DLGAP4: variants seen among roughly 807,000 people sequenced by gnomAD.
The protein encoded by DLGAP4 is DLG associated protein 4.
DLGAP4 carries 18 observed loss-of-function variants against 86.9 expected under a neutral mutation model. The ratio of observed to expected loss-of-function variants is 0.21; its 90% CI spans 0.14 to 0.31. The LOEUF (loss-of-function observed/expected upper bound fraction) is 0.31. Ranked by LOEUF, DLGAP4 falls within the 10% of genes least tolerant of loss-of-function variation. DLGAP4 has a pLI of 1.00. For synonymous variants in DLGAP4, 548 were observed against 574.3 expected (o/e 0.95, Z 0.65); for missense variants, 1,085 against 1,362.6 (o/e 0.80, Z 3.21).
chr20:36,368,575 A>C (rs2030788618), intron 2 of DLGAP4, among the ~76,000 whole-genome samples: 1 of 152,168 alleles, frequency 6.6e-6, no homozygotes, highest in Non-Finnish European at 1.5e-5. Context: ...CCCAGCTCCT[A>C]GTCTGTTGTT....
In DLGAP4 at chr20:36,436,267, GC is replaced by G; in HGVS notation, c.1161del (p.Ser388HisfsTer12). On this transcript the variant is annotated frameshift_variant, in exon 4 of 13. Transcript: ENST00000339266. LOFTEE classifies it high-confidence loss of function. ...DSDESGGSPK[P>X]SPKTAARRQS... ...GCGACGAGTCCGGCGGCAGCCCCAAGCCCTCACCCAAGACCGCGGCGCGGCG... is the reference window on the plus strand; with the variant it reads ...GCGACGAGTCCGGCGGCAGCCCCAAGCCTCACCCAAGACCGCGGCGCGGCG... The G allele has an allele frequency of 6.2e-7, 1 of 1,605,852 alleles. No individual in the cohort carries two copies.
intron 2 of DLGAP4, among the ~76,000 whole-genome samples, chr20:36,430,565 C>A (rs1476905283): frequency 2.0e-5 from 3 of 151,230 alleles, no homozygotes; most frequent in Admixed American, 6.6e-5. Flanking sequence ...CAGCTATAAT[C>A]CCAGCACTTT....
At chr20:36,391,947 C>T (rs1279270678) in intron 2 of DLGAP4, among the ~76,000 whole-genome samples, 3 of 152,214 alleles carry the variant, frequency 2.0e-5, no homozygotes, top group Non-Finnish European at 2.9e-5. Context: ...TGAGGGGAGG[C>T]GGCTTAAGGC....
At chr20:36,449,175 A>G (rs1365946384) in intron 7 of DLGAP4, among the ~76,000 whole-genome samples, 1 of 152,080 alleles carries the variant, frequency 6.6e-6, no homozygotes, top group Non-Finnish European at 1.5e-5. Flanking sequence ...CTTTCCCAGC[A>G]TGGGCAATCT....
intron 7 of DLGAP4, chr20:36,462,541 C>G (rs766297368): frequency 6.9e-6 from 11 of 1,601,958 alleles, no homozygotes; most frequent in Non-Finnish European, 9.4e-6. Context: ...TGCCGGGTCT[C>G]TGGGTCTCTG....
rs1569521006 is a variant in DLGAP4 at position 36,500,647 on chromosome 20, GA to G, written c.2512+38del. The G allele has an allele frequency of 7.0e-7, 1 of 1,427,914 alleles. No homozygotes were observed. The highest frequency in any genetic ancestry group is 1.5e-5 in the African/African-American group (1 of 68,764). 88.5% of individuals were successfully genotyped at this position (1,427,914 alleles called of 1,614,324 possible). Reference sequence around the variant, plus strand: ...CATGGATGGTCCTTGGGCAAGGGTAGAAGGTGTTGGCAGCTGGTTTCAGCTG... The same window carrying G: ...CATGGATGGTCCTTGGGCAAGGGTAGAGGTGTTGGCAGCTGGTTTCAGCTG... On this transcript the variant is annotated intron_variant, in intron 10 of 12. Transcript: ENST00000339266. This position sits in a 1 kb window ranked among gnomAD's most constrained non-coding sequence, Gnocchi z 4.6.
chr20:36,525,733 C>T, intron 11 of DLGAP4, 118 bp from the exon 12 acceptor site: 1 of 1,370,624 alleles, frequency 7.3e-7, no homozygotes, highest in Non-Finnish European at 1.0e-6. Context: ...AGACACTAGG[C>T]CTCAAGAGCC....
Position 36,335,552 on chromosome 20 carries a change from G to A in DLGAP4, c.-304+29040G>A, listed in dbSNP as rs180783294. Among the ~76,000 whole-genome samples the A allele has an allele frequency of 2.2e-3, 328 of 152,274 alleles. 1 individual carries two copies. The highest frequency in any genetic ancestry group is 7.2e-3 in the African/African-American group (301 of 41,536). On this transcript the variant is annotated intron_variant, in intron 1 of 12. Transcript: ENST00000339266. ...ACTGTCGAGACTGTGGGGATCAAGC[G>A]AGGCTGTGTGTCTGAGCCTAGCACG...
At chr20:36,364,014 CAAGGACCACA>C (rs2147408107) in intron 1 of DLGAP4, among the ~76,000 whole-genome samples, 1 of 152,286 alleles carries the variant, frequency 6.6e-6, no homozygotes, top group African/African-American at 2.4e-5. Flanking sequence ...ATATGACATA[CAAGGACCACA>C]AAGGACCACA....
chr20:36,376,082 T>C (rs1037941354), intron 2 of DLGAP4, among the ~76,000 whole-genome samples: 6 of 152,020 alleles, frequency 3.9e-5, no homozygotes, highest in Non-Finnish European at 8.8e-5. Context: ...CACTGCAGCC[T>C]CTAACTCCTG....
At chr20:36,438,538 A>C (rs557930077) in intron 4 of DLGAP4, among the ~76,000 whole-genome samples, 1 of 150,078 alleles carries the variant, frequency 6.7e-6, no homozygotes, top group African/African-American at 2.4e-5. Context: ...TCAGTTTCCC[A>C]ATCTGAATAA....
At chr20:36,457,383 T>C (rs1453525607) in intron 7 of DLGAP4, among the ~76,000 whole-genome samples, 12 of 142,454 alleles carry the variant, frequency 8.4e-5, no homozygotes, top group South Asian at 4.5e-4. Flanking sequence ...CACGCCCGGC[T>C]AATTTTTTTT....
chr20:36,446,426 T>A (rs913660782), intron 6 of DLGAP4, among the ~76,000 whole-genome samples: 1 of 152,222 alleles, frequency 6.6e-6, no homozygotes, highest in Non-Finnish European at 1.5e-5. Context: ...TTAATCAGTG[T>A]GGACCCTGAT....
intron 1 of DLGAP4, among the ~76,000 whole-genome samples, chr20:36,312,739 C>A (rs1324376324): frequency 6.6e-6 from 1 of 152,124 alleles, no homozygotes; most frequent in African/African-American, 2.4e-5. Flanking sequence ...GGACTCTGCA[C>A]CCCGGGTGCT....
intron 1 of DLGAP4, among the ~76,000 whole-genome samples, chr20:36,317,229 TTCTTTCTTTC>T (rs2065110591): frequency 2.7e-5 from 1 of 36,902 alleles, no homozygotes; most frequent in Non-Finnish European, 4.8e-5. Flanking sequence ...CCTTTTTTCT[TTCTTTCTTTC>T]TTTCTTTCTT....
intron 1 of DLGAP4, among the ~76,000 whole-genome samples, chr20:36,317,538 T>C (rs2065121763): frequency 6.7e-6 from 1 of 148,224 alleles, no homozygotes; most frequent in East Asian, 2.0e-4. Flanking sequence ...ACTGCAGCCT[T>C]GAACTTCTGG....
chr20:36,522,913 A>ATGCTGTCATCACAGCTCAC lies in DLGAP4; in HGVS notation c.2513-1333_2513-1315dup, dbSNP rs2037466689. On this transcript the variant is annotated intron_variant, in intron 10 of 12. Transcript: ENST00000339266. ...ACTTTGTCACTCAGGCTGGAGTGCA[A>ATGCTGTCATCACAGCTCAC]TGCTGTCATCACAGCTCACTGCAGC... Among the ~76,000 whole-genome samples, 9 of 151,410 alleles carry ATGCTGTCATCACAGCTCAC rather than the reference A, an allele frequency of 5.9e-5. No homozygotes were observed. The South Asian group carries it at 1.7e-3, about 28-fold the overall frequency.
intron 1 of DLGAP4, among the ~76,000 whole-genome samples, chr20:36,364,228 T>G (rs1489616647): frequency 1.3e-5 from 2 of 152,006 alleles, no homozygotes; most frequent in African/African-American, 4.8e-5. Flanking sequence ...CTGGGCAACA[T>G]AATGAGATCC....
intron 2 of DLGAP4, among the ~76,000 whole-genome samples, chr20:36,399,760 TC>T (rs1241310602): frequency 6.6e-6 from 1 of 152,188 alleles, no homozygotes; most frequent in African/African-American, 2.4e-5. Flanking sequence ...CCAGGCCTTA[TC>T]CCATCAATGA....
Sources: allele counts gnomAD v4.1 joint callset (sites outside exome capture counted in the v4.1 genomes callset), GRCh38; gene constraint gnomAD v4.1.1; non-coding constraint Gnocchi (gnomAD v3.1); transcripts MANE v1.5; gene names NCBI Gene and HGNC (gene_info 2026-07-23, HGNC 2026-07-21).